The following RHBDD1 variants were observed in gnomAD, a reference collection of about 807,000 sequenced individuals.
The protein encoded by RHBDD1 is rhomboid-related protein 4.
In RHBDD1, 38 loss-of-function variants were observed where a neutral mutation model predicts 36.3. That is an observed-to-expected ratio of 1.05 (90% CI 0.81 to 1.37). RHBDD1 has a LOEUF of 1.37. RHBDD1 is among the 40% of genes most tolerant of loss of function. RHBDD1 has a pLI of 0.00. For missense variants in RHBDD1, 393 were observed against 377.6 expected, an observed-to-expected ratio of 1.04 and a Z score of -0.34; for synonymous variants, 151 against 136.5, an observed-to-expected ratio of 1.11 and a Z score of -0.74.
chr2:226,896,642 G>T (rs1254776416), intron 5 of RHBDD1, among the ~76,000 whole-genome samples: 1 of 152,090 alleles, frequency 6.6e-6, no homozygotes, highest in Non-Finnish European at 1.5e-5. Context: ...TCCTAAAAAT[G>T]CTCCTGTTTG....
At chr2:226,962,171 C>G (rs1300903977) in intron 8 of RHBDD1, among the ~76,000 whole-genome samples, 1 of 152,192 alleles carries the variant, frequency 6.6e-6, no homozygotes, top group Non-Finnish European at 1.5e-5. Context: ...ATATTGGACA[C>G]TTCATCCAAA....
intron 8 of RHBDD1, among the ~76,000 whole-genome samples, chr2:226,950,382 T>C (rs1159026398): frequency 6.6e-6 from 1 of 152,248 alleles, no homozygotes; most frequent in African/African-American, 2.4e-5. Flanking sequence ...AGGATTTCTT[T>C]CTGTTTTAAG....
At chr2:226,939,792 G>A (rs1405376930) in intron 8 of RHBDD1, among the ~76,000 whole-genome samples, 1 of 152,052 alleles carries the variant, frequency 6.6e-6, no homozygotes, top group Non-Finnish European at 1.5e-5. Flanking sequence ...GAGCCAAAAA[G>A]GAGCCCAAAT....
At chr2:226,827,351 T>G in the RHBDD1 span, among the ~76,000 whole-genome samples, 9 of 152,218 alleles carry the variant, frequency 5.9e-5, no homozygotes, top group Non-Finnish European at 1.3e-4. Flanking sequence ...CCCAAATAAA[T>G]TATCTACTCC....
intron 8 of RHBDD1, among the ~76,000 whole-genome samples, chr2:226,931,480 G>A (rs566448956): frequency 6.6e-6 from 1 of 152,030 alleles, no homozygotes; most frequent in African/African-American, 2.4e-5. Context: ...ACAGACTTTT[G>A]AGACTCAGAA....
At chr2:226,948,067 G>T (rs1951119044) in intron 8 of RHBDD1, among the ~76,000 whole-genome samples, 1 of 151,808 alleles carries the variant, frequency 6.6e-6, no homozygotes, top group Non-Finnish European at 1.5e-5. Context: ...CCATTACTGG[G>T]TATATACCCA....
chr2:226,960,946 A>G (rs989913393), intron 8 of RHBDD1, among the ~76,000 whole-genome samples: 1 of 152,214 alleles, frequency 6.6e-6, no homozygotes, highest in African/African-American at 2.4e-5. Flanking sequence ...TATGGTAGTT[A>G]TTTGATGGGA....
chr2:226,809,528 C>T, the RHBDD1 span, among the ~76,000 whole-genome samples: 3 of 152,128 alleles, frequency 2.0e-5, no homozygotes, highest in Non-Finnish European at 4.4e-5. Context: ...CCTATGAGGA[C>T]AGAGATACTA....
At chr2:226,860,729 A>G (rs931267623) in intron 3 of RHBDD1, among the ~76,000 whole-genome samples, 2 of 152,186 alleles carry the variant, frequency 1.3e-5, no homozygotes, top group African/African-American at 4.8e-5. Flanking sequence ...CTCAAAACGT[A>G]TGTTCTACCT....
intron 5 of RHBDD1, among the ~76,000 whole-genome samples, chr2:226,899,168 G>A (rs895994652): frequency 9.9e-5 from 15 of 152,170 alleles, no homozygotes; most frequent in African/African-American, 2.7e-4. Flanking sequence ...TTAACTCAGC[G>A]TTACAATAGC....
At chr2:226,894,962 C>T (rs1946977609) in intron 5 of RHBDD1, among the ~76,000 whole-genome samples, 2 of 152,146 alleles carry the variant, frequency 1.3e-5, no homozygotes, top group Non-Finnish European at 2.9e-5. Context: ...ATGGCACATA[C>T]AAAGTCCTGA....
intron 8 of RHBDD1, among the ~76,000 whole-genome samples, chr2:226,951,670 T>C (rs892421661): frequency 3.3e-5 from 5 of 152,212 alleles, no homozygotes; most frequent in African/African-American, 1.2e-4. Flanking sequence ...GCTAACTGTC[T>C]ATATAATCTT....
At chr2:226,883,916 G>A (rs1277910911) in intron 5 of RHBDD1, among the ~76,000 whole-genome samples, 3 of 152,086 alleles carry the variant, frequency 2.0e-5, no homozygotes, top group East Asian at 1.9e-4. Context: ...ATTTTGACTC[G>A]ATTTTTTTTC....
At chr2:226,812,352 A>T in the RHBDD1 span, among the ~76,000 whole-genome samples, 1 of 152,254 alleles carries the variant, frequency 6.6e-6, no homozygotes, top group East Asian at 1.9e-4. Flanking sequence ...AAGTATAAAA[A>T]TTTTGAATGC....
intron 8 of RHBDD1, among the ~76,000 whole-genome samples, chr2:226,925,758 A>C (rs1244757212): frequency 6.6e-6 from 1 of 152,252 alleles, no homozygotes; most frequent in Non-Finnish European, 1.5e-5. Context: ...TGTTCAAAAC[A>C]TTCATTCAAA....
intron 8 of RHBDD1, among the ~76,000 whole-genome samples, chr2:226,985,455 G>T (rs759041213): frequency 2.0e-5 from 3 of 152,228 alleles, no homozygotes; most frequent in Non-Finnish European, 2.9e-5. Flanking sequence ...GATGCGGAAT[G>T]CTTTGTTGAC....
At chr2:226,892,792 C>T (rs546179643) in intron 5 of RHBDD1, among the ~76,000 whole-genome samples, 14 of 152,076 alleles carry the variant, frequency 9.2e-5, no homozygotes, top group East Asian at 1.9e-4. Context: ...AACCTGAACA[C>T]GTTGGAATTT....
intron 8 of RHBDD1, among the ~76,000 whole-genome samples, chr2:226,940,955 T>C (rs976089116): frequency 8.8e-4 from 133 of 151,766 alleles, no homozygotes; most frequent in African/African-American, 3.0e-3. Context: ...TTTTCCTTTT[T>C]TTTTTTTTTG....
At chr2:226,835,309 GCAAA>G (rs534268017), upstream of RHBDD1, among the ~76,000 whole-genome samples, 44 of 152,324 alleles carry the variant, frequency 2.9e-4, no homozygotes, top group African/African-American at 1.0e-3. Context: ...CTCCCGAGTA[GCAAA>G]CAATTAAAAT....
Sources: gnomAD v4.1 joint callset for allele counts (sites outside exome capture counted in the v4.1 genomes callset) on GRCh38, gnomAD v4.1.1 for gene constraint, MANE v1.5 for transcripts, NCBI Gene and HGNC (gene_info 2026-07-23, HGNC 2026-07-21) for gene names.